GMIP: variants seen among roughly 807,000 people sequenced by gnomAD.
GMIP encodes the protein GEM-interacting protein.
GMIP carries 54 observed loss-of-function variants against 105.3 expected under a neutral mutation model. The ratio of observed to expected loss-of-function variants is 0.51; its 90% CI spans 0.41 to 0.64. The LOEUF (loss-of-function observed/expected upper bound fraction) is 0.64, where lower values mean the gene tolerates loss of function less well. Ranked by LOEUF, GMIP falls within the 30% of genes least tolerant of loss-of-function variation. GMIP has a pLI of 0.00. For synonymous variants in GMIP, 541 were observed against 560.8 expected (o/e 0.96, Z 0.50); for missense variants, 1,110 against 1,319.4 (o/e 0.84, Z 2.46).
intron 1 of GMIP, 79 bp from the exon 2 acceptor site, chr19:19,642,698 G>C: frequency 1.5e-6 from 1 of 653,954 alleles, no homozygotes; most frequent in East Asian, 2.7e-5. Flanking sequence ...TCATTTGGAG[G>C]GGGTGGAAGA....
rs764844914 is a variant in GMIP at position 19,641,815 on chromosome 19, A to T, written c.233T>A (p.Leu78His). 2 of 1,609,720 alleles carry T rather than the reference A, an allele frequency of 1.2e-6. No individual in the cohort carries two copies. Among genetic ancestry groups the T allele is most frequent in the Non-Finnish European group, 1.7e-6 (2 of 1,177,852 alleles). Residue 78 changes from leucine to histidine, a missense_variant, in exon 4 of 21, where the codon CTC becomes CAC. Leu to His is a moderately conservative substitution (Grantham distance 99, BLOSUM62 -3). Coordinates refer to ENST00000203556, the MANE Select transcript of GMIP (RefSeq NM_016573.4). Reference protein sequence around the residue: ...SGPSPEGPVPLTGEELDLRLI... With the variant: ...SGPSPEGPVPHTGEELDLRLI... ...TGGCCTCCAGACCCCCCTACCTGTGAGGGGTACAGGACCCTCTGGGGAGGG... is the reference window on the plus strand; with the variant it reads ...TGGCCTCCAGACCCCCCTACCTGTGTGGGGTACAGGACCCTCTGGGGAGGG...
chr19:19,635,192 G>A lies in GMIP; in HGVS notation c.1582C>T (p.Arg528Cys), dbSNP rs896559833. Residue 528 changes from arginine to cysteine, a missense_variant, in exon 16 of 21, where the codon CGC becomes TGC. Arg to Cys is a radical substitution (Grantham distance 180). Coordinates refer to ENST00000203556, the MANE Select transcript of GMIP (RefSeq NM_016573.4). The surrounding 1 kb of genome is among the most constrained non-coding windows in gnomAD (Gnocchi z 4.7). ...AGGATCAGGAGAGTCTCCAGGCAGCGCTTGTGGCAGGTCAGAAAGCACTGT... is the reference window on the plus strand; with the variant it reads ...AGGATCAGGAGAGTCTCCAGGCAGCACTTGTGGCAGGTCAGAAAGCACTGT... The part of the protein sequence containing the change: ...CEECFLTCHK[R>C]CLETLLILCG... 4.3e-6 allele frequency: 7 copies of A among 1,613,032 alleles called. No homozygotes were observed. Among genetic ancestry groups the A allele is most frequent in the Non-Finnish European group, 5.9e-6 (7 of 1,179,536 alleles).
At chr19:19,641,230 G>A (rs375104113) in intron 4 of GMIP, among the ~76,000 whole-genome samples, 6 of 151,456 alleles carry the variant, frequency 4.0e-5, no homozygotes, top group African/African-American at 9.7e-5. Context: ...ACAGGCACTC[G>A]CCACTGCGCC....
At chr19:19,643,458 T>C in intron 1 of GMIP, 53 bp downstream of exon 1, 1 of 1,485,472 alleles carries the variant, frequency 6.7e-7, no homozygotes, top group Non-Finnish European at 9.2e-7. Flanking sequence ...GCCCTCAATG[T>C]AGGAAGCAGG....
Position 19,643,584 on chromosome 19 carries a change from C to T in GMIP, c.-55G>A, listed in dbSNP as rs1010746519. The stretch of plus-strand genomic sequence containing the variant: ...CCGGGATGGGGATGGGGTCGCGCGC[C>T]GGCGGGGCCGAGCCCCGATTTCCTG... On this transcript the variant is annotated 5_prime_UTR_variant, in exon 1 of 21. Coordinates refer to ENST00000203556, the MANE Select transcript of GMIP (RefSeq NM_016573.4). 2.7e-6 allele frequency: 4 copies of T among 1,469,878 alleles called. No individual in the cohort carries two copies. Among genetic ancestry groups the T allele is most frequent in the Non-Finnish European group, 3.7e-6 (4 of 1,092,066 alleles). The allele number at this position is 1,469,878 out of a possible 1,614,324, so 91.1% of individuals were successfully genotyped here. A position where few individuals can be genotyped will look rare whatever the true frequency, so the allele number is the denominator to read the frequency against.
Position 19,635,572 on chromosome 19 carries a change from G to A in GMIP, c.1406-3C>T. 1 of 1,613,794 alleles carries A rather than the reference G, an allele frequency of 6.2e-7. No homozygotes were observed. ...ATTCTCCAGCCCGTCTCCCAGGTCT[G>A]CAGGGAGACAGGGTCAGGAGTGCCT... is the stretch of plus-strand genomic sequence containing the variant. On this transcript the variant is annotated splice_polypyrimidine_tract_variant and splice_region_variant and intron_variant, in intron 14 of 20. Transcript: ENST00000203556. This position sits in a 1 kb window ranked among gnomAD's most constrained non-coding sequence, Gnocchi z 4.7.
chr19:19,630,265 T>C lies in GMIP; in HGVS notation c.2611A>G (p.Lys871Glu). 1 of 1,556,696 alleles carries C rather than the reference T, an allele frequency of 6.4e-7. No individual in the cohort carries two copies. Among genetic ancestry groups the C allele is most frequent in the South Asian group, 1.2e-5 (1 of 82,696 alleles). Residue 871 changes from lysine to glutamate, a missense_variant, in exon 21 of 21, where the codon AAG (lysine) becomes GAG (glutamate). Around this residue, in one of 3 missense-constraint regions of GMIP, gnomAD observed 394 missense variants for 450.5 expected, o/e 0.87. Coordinates refer to ENST00000203556, the MANE Select transcript of GMIP (RefSeq NM_016573.4). This position sits in a 1 kb window ranked among gnomAD's most constrained non-coding sequence, Gnocchi z 4.8. ...SRGHFSRQPV[K>E]YPRGGVRPVT... Reference sequence around the variant, plus strand: ...GGCCTCACACCGCCCCGGGGATACTTCACTGGCTGGCGGCTGAAGTGGCCA... The same window carrying C: ...GGCCTCACACCGCCCCGGGGATACTCCACTGGCTGGCGGCTGAAGTGGCCA...
At position 19,637,892 on chromosome 19, in the gene GMIP, G is replaced by A; in HGVS notation, c.927+28C>T. The A allele has an allele frequency of 6.3e-7, 1 of 1,578,158 alleles. No individual in the cohort carries two copies. Among genetic ancestry groups the A allele is most frequent in the African/African-American group, 1.3e-5 (1 of 74,134 alleles). ...CAGTCGGGGCCCCAACGGGGTGAGGGGAGGATGGCCTTGGGGATGGGCCTC... is the reference window on the plus strand; with the variant it reads ...CAGTCGGGGCCCCAACGGGGTGAGGAGAGGATGGCCTTGGGGATGGGCCTC... On this transcript the variant is annotated intron_variant, in intron 10 of 20. Coordinates refer to ENST00000203556, the MANE Select transcript of GMIP (RefSeq NM_016573.4). This position sits in a 1 kb window ranked among gnomAD's most constrained non-coding sequence, Gnocchi z 6.7.
At position 19,634,008 on chromosome 19, in the gene GMIP, A is replaced by T. The variant is rs749480451; in HGVS notation, c.2267T>A (p.Ile756Asn). ...VEFLIVHYEQIFGMDELPQAT... is the reference protein window; with the variant it reads ...VEFLIVHYEQNFGMDELPQAT... ...CTGGGGGAGCTCATCCATCCCAAAG[A>T]TCTGCTCGTAGTGCACGATGAGGAA... The change falls in exon 19 of 21, where the codon ATC (isoleucine) becomes AAC (asparagine). Residue 756 changes from isoleucine (I) to asparagine (N), a missense_variant. Around this residue, in one of 3 missense-constraint regions of GMIP, gnomAD observed 394 missense variants for 450.5 expected, o/e 0.87. Coordinates refer to ENST00000203556, the MANE Select transcript of GMIP (RefSeq NM_016573.4). This position sits in a 1 kb window ranked among gnomAD's most constrained non-coding sequence, Gnocchi z 6.1. The T allele has an allele frequency of 6.2e-7, 1 of 1,611,138 alleles. No homozygotes were observed. The highest frequency in any genetic ancestry group is 8.5e-7 in the Non-Finnish European group (1 of 1,178,006).
At chr19:19,642,768 C>G (rs958107078) in intron 1 of GMIP, 149 bp from the exon 2 acceptor site, 2 of 501,100 alleles carry the variant, frequency 4.0e-6, no homozygotes, top group Non-Finnish European at 7.3e-6. Flanking sequence ...GGGGCCAACT[C>G]GAGGCAGGCA....
At chr19:19,638,777 T>C (rs1301729908) in intron 7 of GMIP, among the ~76,000 whole-genome samples, 1 of 150,400 alleles carries the variant, frequency 6.6e-6, no homozygotes, top group Non-Finnish European at 1.5e-5. Context: ...AACAATTTCT[T>C]CTTTTTTTTT....
intron 8 of GMIP, 22 bp downstream of exon 8, chr19:19,638,380 T>G: frequency 1.2e-6 from 2 of 1,614,092 alleles, no homozygotes; most frequent in African/African-American, 2.7e-5. Context: ...CACCCTACCC[T>G]TCCACCAATT....
chr19:19,637,151 C>A lies in GMIP; in HGVS notation c.1125-122G>T. 1 of 703,206 alleles carries A rather than the reference C, an allele frequency of 1.4e-6. No homozygotes were observed. Among genetic ancestry groups the A allele is most frequent in the South Asian group, 1.8e-5 (1 of 54,550 alleles). 43.6% of individuals were successfully genotyped at this position (703,206 alleles called of 1,614,324 possible). A position where few individuals can be genotyped will look rare whatever the true frequency, so the allele number is the denominator to read the frequency against. ...GGTCTGCAAACCCTGACACCCAGGG[C>A]ATTGTGGCCCCTGAAATACAGTAGC... On this transcript the variant is annotated intron_variant, in intron 11 of 20. Transcript: ENST00000203556. The surrounding 1 kb of genome is among the most constrained non-coding windows in gnomAD (Gnocchi z 6.7).
chr19:19,642,574 A>G lies in GMIP; in HGVS notation c.65T>C (p.Phe22Ser), dbSNP rs2061933709. 6.2e-7 allele frequency: 1 copy of G among 1,611,212 alleles called. No individual in the cohort carries two copies. Among genetic ancestry groups the G allele is most frequent in the Non-Finnish European group, 8.5e-7 (1 of 1,177,818 alleles). The part of the protein sequence containing the change: ...PEGRKRYSDI[F>S]RSLDNLEISL... ...GATTTCGAGGTTGTCCAGGCTCCGG[A>G]AGATGTCACTGTACCTCTTCCTGCC... Residue 22 changes from phenylalanine (F) to serine (S), a missense_variant, in exon 2 of 21, where the codon TTC becomes TCC. Transcript: ENST00000203556.
At position 19,635,260 on chromosome 19, in the gene GMIP, G is replaced by A. The variant is rs527487519; in HGVS notation, c.1561-47C>T. 1.3e-5 allele frequency: 21 copies of A among 1,563,618 alleles called. No individual in the cohort carries two copies. Among genetic ancestry groups the A allele is most frequent in the Middle Eastern group, 1.7e-4 (1 of 5,948 alleles). On this transcript the variant is annotated intron_variant, in intron 15 of 20. Coordinates refer to ENST00000203556, the MANE Select transcript of GMIP (RefSeq NM_016573.4). This position sits in a 1 kb window ranked among gnomAD's most constrained non-coding sequence, Gnocchi z 4.7. Reference sequence around the variant, plus strand: ...CAGGGAGGTCATTAGGGACCAGTAGGGGAAGAGAAGGTTACAAGGATCCTC... The same window carrying A: ...CAGGGAGGTCATTAGGGACCAGTAGAGGAAGAGAAGGTTACAAGGATCCTC...
chr19:19,641,079 GTTTT>G (rs560806120), intron 4 of GMIP, among the ~76,000 whole-genome samples: 3 of 148,188 alleles, frequency 2.0e-5, no homozygotes, highest in Non-Finnish European at 4.5e-5. Flanking sequence ...TGTTTGATGG[GTTTT>G]TTTATTTTTA....
chr19:19,642,671 C>G, intron 1 of GMIP, 52 bp from the exon 2 acceptor site: 4 of 856,526 alleles, frequency 4.7e-6, no homozygotes, highest in Non-Finnish European at 5.8e-6. Flanking sequence ...CCTCCACCCA[C>G]GGCACCTCAA....
chr19:19,635,510 T>C lies in GMIP; in HGVS notation c.1465A>G (p.Ser489Gly). ...GSPFGKWTLS[S>G]AAQTHQLRRL... ...CGCAGCTGGTGGGTCTGAGCCGCGCTGGACAGTGTCCACTTCCCGAAGGGG... is the reference window on the plus strand; with the variant it reads ...CGCAGCTGGTGGGTCTGAGCCGCGCCGGACAGTGTCCACTTCCCGAAGGGG... Residue 489 changes from serine to glycine, a missense_variant, in exon 15 of 21, where the codon AGC becomes GGC. By Grantham distance (56) the Ser-to-Gly change is moderately conservative. Transcript: ENST00000203556. The surrounding 1 kb of genome is among the most constrained non-coding windows in gnomAD (Gnocchi z 4.7). 1 of 1,613,030 alleles carries C rather than the reference T, an allele frequency of 6.2e-7. No individual in the cohort carries two copies. Among genetic ancestry groups the C allele is most frequent in the Non-Finnish European group, 8.5e-7 (1 of 1,180,024 alleles).
Position 19,635,175 on chromosome 19 carries a change from G to C in GMIP, c.1599C>G (p.Leu533=). Residue 533 remains leucine (L), a synonymous_variant, in exon 16 of 21, where the codon CTC becomes CTG. Coordinates refer to ENST00000203556, the MANE Select transcript of GMIP (RefSeq NM_016573.4). The surrounding 1 kb of genome is among the most constrained non-coding windows in gnomAD (Gnocchi z 4.7). ...LTCHKRCLET[L]LILCGHRRLP... is the part of the protein sequence containing the mutation. ...GCCGCCTGTGTCCACAGAGGATCAG[G>C]AGAGTCTCCAGGCAGCGCTTGTGGC... is the stretch of plus-strand genomic sequence containing the variant. 2.5e-6 allele frequency: 4 copies of C among 1,613,894 alleles called. No homozygotes were observed. The highest frequency in any genetic ancestry group is 3.4e-6 in the Non-Finnish European group (4 of 1,179,844).
Sources: gnomAD v4.1 joint callset for allele counts (sites outside exome capture counted in the v4.1 genomes callset) on GRCh38, gnomAD v4.1.1 for gene constraint, gnomAD v4.1.1 regional missense constraint, Gnocchi (gnomAD v3.1) non-coding constraint, MANE v1.5 for transcripts, NCBI Gene and HGNC (gene_info 2026-07-23, HGNC 2026-07-21) for gene names.